Variants in FAM120B observed in about 807,000 individuals in gnomAD.
The protein encoded by FAM120B is constitutive coactivator of peroxisome proliferator-activated receptor gamma.
In FAM120B, 83 loss-of-function variants were observed where a neutral mutation model predicts 96.3. The observed-to-expected ratio is 0.86, with a 90% confidence interval of 0.72 to 1.03. The LOEUF (loss-of-function observed/expected upper bound fraction) is 1.03. Among genes scored for constraint, FAM120B ranks in the 50% least tolerant of loss-of-function variants. The pLI, the probability that FAM120B is intolerant of heterozygous loss-of-function variation, is 0.00. For synonymous variants in FAM120B, 407 were observed against 402.7 expected, an observed-to-expected ratio of 1.01 and a Z score of -0.13; for missense variants, 1,027 against 1,121.2, an observed-to-expected ratio of 0.92 and a Z score of 1.20.
Position 170,322,557 on chromosome 6 carries a change from A to G in FAM120B, c.1735-522A>G, listed in dbSNP as rs150065614. 1.1e-4 allele frequency among the ~76,000 whole-genome samples: 16 copies of G among 152,312 alleles called. No individual in the cohort carries two copies. In the East Asian group the frequency reaches 1.4e-3, roughly 13 times the overall value. ...GAAGATGTTCTGTTGAGACTGAATT[A>G]TGGCTATTTCTATGAGGGTGAAATG... On this transcript the variant is annotated intron_variant, in intron 2 of 10. Transcript: ENST00000476287.
In FAM120B at chr6:170,353,171, C is replaced by G. The variant is rs117758784; in HGVS notation, c.2190+4848C>G. ...CACATATGCCTTCTTGAGACTGAACCAGGAAGAAATTGAATCCCTGAATAG... is the reference window on the plus strand; with the variant it reads ...CACATATGCCTTCTTGAGACTGAACGAGGAAGAAATTGAATCCCTGAATAG... On this transcript the variant is annotated intron_variant, in intron 5 of 10. Transcript: ENST00000476287. 1.4e-3 allele frequency among the ~76,000 whole-genome samples: 209 copies of G among 152,162 alleles called. 5 individuals are homozygous for G. The East Asian group carries it at 0.036, about 26-fold the overall frequency.
Position 170,370,774 on chromosome 6 carries a change from T to G in FAM120B, c.2283+12456T>G, listed in dbSNP as rs1789137611. On this transcript the variant is annotated intron_variant, in intron 6 of 10. Transcript: ENST00000476287. This position sits in a 1 kb window ranked among gnomAD's most constrained non-coding sequence, Gnocchi z 4.3. The stretch of plus-strand genomic sequence containing the variant: ...CATTCTTTTAAACTTGGTTTCTTCC[T>G]GTAGCTTTACATGTATAAATACAAT... Among the ~76,000 whole-genome samples the G allele has an allele frequency of 6.6e-6, 1 of 152,210 alleles. No homozygotes were observed. The highest frequency in any genetic ancestry group is 2.1e-4 in the South Asian group (1 of 4,832).
chr6:170,351,150 G>A (rs544651605), intron 5 of FAM120B, among the ~76,000 whole-genome samples: 1 of 152,328 alleles, frequency 6.6e-6, no homozygotes, highest in Admixed American at 6.5e-5. Flanking sequence ...ACTTCACAGT[G>A]CAATTACAAG....
At chr6:170,373,386 T>C (rs1367724043) in intron 6 of FAM120B, among the ~76,000 whole-genome samples, 1 of 152,232 alleles carries the variant, frequency 6.6e-6, no homozygotes, top group African/African-American at 2.4e-5. Flanking sequence ...TCTGTCACGC[T>C]GACTTGGGCT....
chr6:170,372,924 AAT>A lies in FAM120B; in HGVS notation c.2283+14607_2283+14608del, dbSNP rs575256631. Among the ~76,000 whole-genome samples, 73 of 152,338 alleles carry A rather than the reference AAT, an allele frequency of 4.8e-4. 1 individual carries two copies. In the South Asian group the frequency reaches 0.015, roughly 31 times the overall value. ...TACTAATAAATAACAATGTATTCAT[AAT>A]GTTTTCCCTCTGTTTAGATTTCCGC... is the stretch of plus-strand genomic sequence containing the variant. On this transcript the variant is annotated intron_variant, in intron 6 of 10. Transcript: ENST00000476287.
At chr6:170,388,576 T>C in intron 7 of FAM120B, 83 bp downstream of exon 7, 2 of 1,174,070 alleles carry the variant, frequency 1.7e-6, no homozygotes, top group Non-Finnish European at 2.5e-6. Flanking sequence ...GGCTGTTGCA[T>C]TTTTCAAATT....
At chr6:170,380,061 C>T (rs143376169) in intron 6 of FAM120B, among the ~76,000 whole-genome samples, 57 of 152,282 alleles carry the variant, frequency 3.7e-4, no homozygotes, top group African/African-American at 1.3e-3. Context: ...ATGTATTTGG[C>T]GTTTTCAAGA....
At chr6:170,330,115 A>G (rs74835811) in intron 3 of FAM120B, among the ~76,000 whole-genome samples, 2,250 of 152,236 alleles carry the variant, frequency 0.015, 44 homozygotes, top group African/African-American at 0.049. Flanking sequence ...GTTTTCTTTA[A>G]GTGTTTTCTG....
Position 170,363,709 on chromosome 6 carries a change from G to A in FAM120B, c.2283+5391G>A, listed in dbSNP as rs1408335836. On this transcript the variant is annotated intron_variant, in intron 6 of 10. Coordinates refer to ENST00000476287, the MANE Select transcript of FAM120B (RefSeq NM_032448.3). The surrounding 1 kb of genome is among the most constrained non-coding windows in gnomAD (Gnocchi z 4.5). ...GTGCTGTGATAGTGTGTGCACCAGC[G>A]AAACATGGCATTCCTACAGTGAGAT... Among the ~76,000 whole-genome samples, 1 of 152,224 alleles carries A rather than the reference G, an allele frequency of 6.6e-6. No individual in the cohort carries two copies. Among genetic ancestry groups the A allele is most frequent in the African/African-American group, 2.4e-5 (1 of 41,462 alleles).
At chr6:170,391,202 C>CT in intron 8 of FAM120B, 81 bp downstream of exon 8, 2 of 933,428 alleles carry the variant, frequency 2.1e-6, no homozygotes, top group Non-Finnish European at 3.5e-6. Context: ...TAAATGAATT[C>CT]TAAGAAGAGG....
chr6:170,344,520 G>T (rs971728213), intron 4 of FAM120B, among the ~76,000 whole-genome samples: 1 of 146,578 alleles, frequency 6.8e-6, no homozygotes, highest in Non-Finnish European at 1.5e-5. Context: ...TTGGAAGAAC[G>T]GATGAAATCG....
intron 4 of FAM120B, among the ~76,000 whole-genome samples, chr6:170,343,663 A>G (rs1482574366): frequency 6.6e-6 from 1 of 152,078 alleles, no homozygotes; most frequent in African/African-American, 2.4e-5. Flanking sequence ...CAGCAGCTGA[A>G]TCACCTGGCT....
intron 5 of FAM120B, among the ~76,000 whole-genome samples, chr6:170,349,105 A>C (rs1787409008): frequency 6.6e-6 from 1 of 152,184 alleles, no homozygotes; most frequent in Non-Finnish European, 1.5e-5. Context: ...AAAGGCTGAG[A>C]ATGCTCCCAT....
At chr6:170,384,417 G>A (rs1321353010) in intron 6 of FAM120B, among the ~76,000 whole-genome samples, 1 of 152,126 alleles carries the variant, frequency 6.6e-6, no homozygotes, top group Non-Finnish European at 1.5e-5. Context: ...AGATACCTAA[G>A]GTCTCAGGGA....
chr6:170,342,978 C>G (rs536349339), intron 4 of FAM120B, among the ~76,000 whole-genome samples: 1 of 152,212 alleles, frequency 6.6e-6, no homozygotes, highest in Non-Finnish European at 1.5e-5. Context: ...GTTGCCCTCC[C>G]CTGAGTTGGT....
intron 5 of FAM120B, among the ~76,000 whole-genome samples, chr6:170,354,677 A>G (rs1787784273): frequency 1.3e-5 from 2 of 152,134 alleles, no homozygotes; most frequent in Non-Finnish European, 2.9e-5. Context: ...TAATCCCAGC[A>G]CTTTGGGAGG....
At chr6:170,348,084 T>C (rs1787314584) in intron 4 of FAM120B, 67 bp from the exon 5 acceptor site, 4 of 1,289,536 alleles carry the variant, frequency 3.1e-6, no homozygotes, top group Non-Finnish European at 3.3e-6. Flanking sequence ...ACTGTATTTC[T>C]ACAAGGAGCA....
At chr6:170,339,907 T>C (rs1316172780) in intron 4 of FAM120B, among the ~76,000 whole-genome samples, 1 of 152,204 alleles carries the variant, frequency 6.6e-6, no homozygotes, top group Admixed American at 6.5e-5. Flanking sequence ...CCTTTCTCTC[T>C]GGCTGCCCTT....
rs914941924 is a variant in FAM120B, at chr6:170,370,506, G to T, written c.2283+12188G>T. Among the ~76,000 whole-genome samples, 1 of 152,114 alleles carries T rather than the reference G, an allele frequency of 6.6e-6. No individual in the cohort carries two copies. Among genetic ancestry groups the T allele is most frequent in the Non-Finnish European group, 1.5e-5 (1 of 68,030 alleles). On this transcript the variant is annotated intron_variant, in intron 6 of 10. Coordinates refer to ENST00000476287, the MANE Select transcript of FAM120B (RefSeq NM_032448.3). The surrounding 1 kb of genome is among the most constrained non-coding windows in gnomAD (Gnocchi z 4.3). ...AGGAGCTGCTGTCCAGTCGTGCTCT[G>T]GAAGATCTGAGTTCTTTGAAGTTCT...
Sources: allele counts gnomAD v4.1 joint callset (sites outside exome capture counted in the v4.1 genomes callset), GRCh38; gene constraint gnomAD v4.1.1; non-coding constraint Gnocchi (gnomAD v3.1); transcripts MANE v1.5; gene names NCBI Gene and HGNC (gene_info 2026-07-23, HGNC 2026-07-21).